CXCL13: variants seen among roughly 807,000 people sequenced by gnomAD.
CXCL13 encodes C-X-C motif chemokine ligand 13.
In CXCL13, 7 loss-of-function variants were observed where a neutral mutation model predicts 12.2. The observed-to-expected ratio is 0.57, with a 90% CI of 0.33 to 1.07. The LOEUF (loss-of-function observed/expected upper bound fraction) is 1.07, where lower values mean the gene tolerates loss of function less well. Ranked by LOEUF, CXCL13 falls within the 50% of genes least tolerant of loss-of-function variation. CXCL13 has a pLI of 0.04. For missense variants in CXCL13, 113 were observed against 127.4 expected (o/e 0.89, Z 0.55); for synonymous variants, 47 against 42.4 (o/e 1.11, Z -0.42).
At chr4:77,606,981 A>C (rs1472827899) in intron 1 of CXCL13, among the ~76,000 whole-genome samples, 1 of 152,148 alleles carries the variant, frequency 6.6e-6, no homozygotes, top group African/African-American at 2.4e-5. Context: ...TTGAATTTTT[A>C]TGATTGCCTT....
At chr4:77,555,665 T>C (rs1412515125) in intron 1 of CXCL13, among the ~76,000 whole-genome samples, 5 of 152,112 alleles carry the variant, frequency 3.3e-5, no homozygotes, top group African/African-American at 1.2e-4. Context: ...AAACATTCCA[T>C]ATTTCAAAAG....
At chr4:77,590,862 G>A (rs564920445) in intron 1 of CXCL13, among the ~76,000 whole-genome samples, 348 of 152,290 alleles carry the variant, frequency 2.3e-3, no homozygotes, top group Non-Finnish European at 3.4e-3. Context: ...AATAAGAAAT[G>A]TTACCTGTCT....
At chr4:77,584,092 C>A (rs958517473) in intron 1 of CXCL13, among the ~76,000 whole-genome samples, 2 of 152,178 alleles carry the variant, frequency 1.3e-5, no homozygotes, top group Non-Finnish European at 2.9e-5. Flanking sequence ...GAGGTCCATT[C>A]CATGCCATTG....
chr4:77,517,388 T>C (rs1724451786), intron 1 of CXCL13, among the ~76,000 whole-genome samples: 1 of 152,206 alleles, frequency 6.6e-6, no homozygotes, highest in Non-Finnish European at 1.5e-5. Flanking sequence ...CATTGATCTG[T>C]CTAATGTTGA....
intron 1 of CXCL13, among the ~76,000 whole-genome samples, chr4:77,525,553 T>G (rs2110081984): frequency 6.6e-6 from 1 of 152,306 alleles, no homozygotes; most frequent in East Asian, 1.9e-4. Context: ...GTCTATTAGC[T>G]CTCATGGCTG....
intron 2 of CXCL13, among the ~76,000 whole-genome samples, chr4:77,608,440 CA>C (rs5859581): frequency 0.085 from 10,971 of 129,356 alleles, 1,235 homozygotes; most frequent in African/African-American, 0.27. Flanking sequence ...AACTCCATCT[CA>C]AAAAAAAAAA....
At chr4:77,540,242 C>T (rs949878949) in intron 1 of CXCL13, among the ~76,000 whole-genome samples, 1 of 152,092 alleles carries the variant, frequency 6.6e-6, no homozygotes, top group Non-Finnish European at 1.5e-5. Context: ...AGAAATATGC[C>T]ATAAATACAT....
At chr4:77,526,271 A>G (rs1724763911) in intron 1 of CXCL13, among the ~76,000 whole-genome samples, 1 of 152,098 alleles carries the variant, frequency 6.6e-6, no homozygotes, top group Non-Finnish European at 1.5e-5. Context: ...GTATTCTGTT[A>G]TAGTAACAGA....
At chr4:77,523,561 C>G (rs1465945870) in intron 1 of CXCL13, among the ~76,000 whole-genome samples, 1 of 152,192 alleles carries the variant, frequency 6.6e-6, no homozygotes, top group African/African-American at 2.4e-5. Context: ...TCAGCTCCAT[C>G]AGGTCATTTA....
intron 1 of CXCL13, among the ~76,000 whole-genome samples, chr4:77,530,541 A>T (rs964007873): frequency 6.6e-6 from 1 of 152,122 alleles, no homozygotes; most frequent in African/African-American, 2.4e-5. Flanking sequence ...CATTTCGTCT[A>T]GATTTTCTAG....
At chr4:77,599,220 C>G (rs200574064) in intron 1 of CXCL13, among the ~76,000 whole-genome samples, 3 of 152,102 alleles carry the variant, frequency 2.0e-5, no homozygotes, top group Non-Finnish European at 4.4e-5. Context: ...CCTTGGTATC[C>G]GTGAGGATTG....
intron 1 of CXCL13, among the ~76,000 whole-genome samples, chr4:77,517,392 A>G (rs965456522): frequency 6.6e-6 from 1 of 152,114 alleles, no homozygotes; most frequent in African/African-American, 2.4e-5. Flanking sequence ...GATCTGTCTA[A>G]TGTTGACAGT....
chr4:77,597,940 T>C (rs1192108879), intron 1 of CXCL13, among the ~76,000 whole-genome samples: 1 of 152,206 alleles, frequency 6.6e-6, no homozygotes, highest in Non-Finnish European at 1.5e-5. Flanking sequence ...CTCATTTCTC[T>C]TCGGAACTTT....
At chr4:77,546,514 G>T (rs964479650) in intron 1 of CXCL13, among the ~76,000 whole-genome samples, 1 of 152,154 alleles carries the variant, frequency 6.6e-6, no homozygotes, top group Non-Finnish European at 1.5e-5. Flanking sequence ...ATTTCTTCCA[G>T]ATTTTCTAGT....
chr4:77,513,479 T>A (rs1724323975), intron 1 of CXCL13, among the ~76,000 whole-genome samples: 1 of 150,212 alleles, frequency 6.7e-6, no homozygotes, highest in East Asian at 1.9e-4. Flanking sequence ...TGAGACGGAG[T>A]CTCACTCTAT....
chr4:77,559,827 C>T (rs1725762245), intron 1 of CXCL13, among the ~76,000 whole-genome samples: 1 of 148,702 alleles, frequency 6.7e-6, no homozygotes, highest in Non-Finnish European at 1.5e-5. Context: ...GAGGCTGAGG[C>T]AGGAGACTGG....
intron 1 of CXCL13, among the ~76,000 whole-genome samples, chr4:77,580,794 C>CCTTCTCCTTCCCTCCCCTCTCCCTCT (rs1265460173): frequency 7.4e-6 from 1 of 135,258 alleles, no homozygotes; most frequent in East Asian, 2.3e-4. Context: ...CCTCCTCTCC[C>CCTTCTCCTTCCCTCCCCTCTCCCTCT]CTTCTCCTTC....
chr4:77,555,064 A>T (rs1293856124), intron 1 of CXCL13, among the ~76,000 whole-genome samples: 1 of 152,002 alleles, frequency 6.6e-6, no homozygotes, highest in Admixed American at 6.5e-5. Flanking sequence ...AGTAAGTAGA[A>T]GGTAAGAAAT....
At chr4:77,555,329 A>G (rs915678758) in intron 1 of CXCL13, among the ~76,000 whole-genome samples, 1 of 152,070 alleles carries the variant, frequency 6.6e-6, no homozygotes, top group Non-Finnish European at 1.5e-5. Context: ...ATTGAAAGAC[A>G]TAAGCTACCA....
Sources: gnomAD v4.1 joint callset for allele counts (sites outside exome capture counted in the v4.1 genomes callset) on GRCh38, gnomAD v4.1.1 for gene constraint, MANE v1.5 for transcripts, NCBI Gene and HGNC (gene_info 2026-07-23, HGNC 2026-07-21) for gene names.